The following EPHA7 variants were observed in gnomAD, a reference collection of about 807,000 sequenced individuals.
The protein encoded by EPHA7 is ephrin type-A receptor 7.
EPHA7 carries 25 observed loss-of-function variants against 112.6 expected under a neutral mutation model. That is an observed-to-expected ratio of 0.22 (90% CI 0.16 to 0.31). EPHA7 has a LOEUF of 0.31. Among genes scored for constraint, EPHA7 ranks in the 10% least tolerant of loss-of-function variants. EPHA7 has a pLI of 1.00. For synonymous variants in EPHA7, 437 were observed against 406.5 expected (o/e 1.07, Z -0.90); for missense variants, 962 against 1,212.6 (o/e 0.79, Z 3.07).
intron 5 of EPHA7, among the ~76,000 whole-genome samples, chr6:93,275,016 C>T (rs76655880): frequency 8.4e-4 from 127 of 151,950 alleles, no homozygotes; most frequent in Middle Eastern, 3.5e-3. Flanking sequence ...ACTAAATTAA[C>T]GTTATTGTAA....
At chr6:93,308,290 G>C (rs1773359763) in intron 5 of EPHA7, among the ~76,000 whole-genome samples, 1 of 152,018 alleles carries the variant, frequency 6.6e-6, no homozygotes, top group Non-Finnish European at 1.5e-5. Flanking sequence ...GAGTACACAG[G>C]CTTTTCAACA....
chr6:93,356,140 C>T (rs945991658), intron 5 of EPHA7, among the ~76,000 whole-genome samples: 1 of 152,038 alleles, frequency 6.6e-6, no homozygotes, highest in East Asian at 1.9e-4. Flanking sequence ...ATTTTCACTC[C>T]CCTCCTCTAG....
chr6:93,386,947 T>C (rs145481110), intron 3 of EPHA7, among the ~76,000 whole-genome samples: 238 of 152,182 alleles, frequency 1.6e-3, no homozygotes, highest in African/African-American at 5.5e-3. Flanking sequence ...CACAAAACTG[T>C]CCTTTCCTCC....
intron 5 of EPHA7, among the ~76,000 whole-genome samples, chr6:93,335,915 T>G (rs774667987): frequency 2.0e-5 from 3 of 152,100 alleles, no homozygotes; most frequent in Non-Finnish European, 4.4e-5. Context: ...AATGGCTGGA[T>G]AGAGATCTGA....
rs887490984 is a variant in EPHA7, at chr6:93,241,404, C to A, written c.*2022G>T. On this transcript the variant is annotated 3_prime_UTR_variant, in exon 17 of 17. Transcript: ENST00000369303. ...ACACACTGCAGACACTGAAAAATAA[C>A]CCTCAAGCACATTGTGTTATAGTTC... The A allele has an allele frequency of 1.4e-5, 3 of 212,156 alleles. No individual in the cohort carries two copies. The highest frequency in any genetic ancestry group is 2.9e-5 in the Non-Finnish European group (3 of 104,398). The allele number at this position is 212,156 out of a possible 1,614,324, so 13.1% of individuals were successfully genotyped here.
chr6:93,389,432 G>A (rs1236432277), intron 3 of EPHA7, among the ~76,000 whole-genome samples: 4 of 151,930 alleles, frequency 2.6e-5, no homozygotes, highest in Admixed American at 2.6e-4. Flanking sequence ...GGTGGGTTCT[G>A]GACTGGCACC....
chr6:93,255,449 T>A (rs999567527), intron 13 of EPHA7, among the ~76,000 whole-genome samples: 2 of 152,118 alleles, frequency 1.3e-5, no homozygotes, highest in Non-Finnish European at 2.9e-5. Flanking sequence ...TTCTCACATA[T>A]TTTCTTTTTT....
intron 5 of EPHA7, among the ~76,000 whole-genome samples, chr6:93,319,732 T>C (rs547415813): frequency 3.3e-5 from 5 of 152,260 alleles, no homozygotes; most frequent in Non-Finnish European, 7.4e-5. Flanking sequence ...GCTACATAGC[T>C]GTGGAAGTGA....
At chr6:93,408,516 T>C (rs1318756658) in intron 3 of EPHA7, among the ~76,000 whole-genome samples, 1 of 152,060 alleles carries the variant, frequency 6.6e-6, no homozygotes, top group Admixed American at 6.6e-5. Context: ...TTAGAAATAC[T>C]GCCAGTGAGG....
rs944345799 is a variant in EPHA7, at chr6:93,375,591, A to C, written c.833-17180T>G. ...CTAGCAGAGAGACCTTGACTCAAAA[A>C]ACAAACAAAAAAAAAACTCCAAGAT... On this transcript the variant is annotated intron_variant, in intron 3 of 16. Transcript: ENST00000369303. Among the ~76,000 whole-genome samples, 3 of 152,024 alleles carry C rather than the reference A, an allele frequency of 2.0e-5. 1 individual carries two copies. The highest frequency in any genetic ancestry group is 7.2e-5 in the African/African-American group (3 of 41,434).
chr6:93,419,115 G>T (rs1042621707), intron 1 of EPHA7, 130 bp downstream of exon 1: 5 of 641,480 alleles, frequency 7.8e-6, no homozygotes, highest in Non-Finnish European at 1.2e-5. Flanking sequence ...CGGTGAGGGG[G>T]CGGGGAGCCG....
intron 5 of EPHA7, among the ~76,000 whole-genome samples, chr6:93,296,953 AC>A (rs1772705344): frequency 6.6e-6 from 1 of 151,978 alleles, no homozygotes; most frequent in African/African-American, 2.4e-5. Context: ...TGGTTTTGTC[AC>A]AAAACCAAAC....
intron 5 of EPHA7, among the ~76,000 whole-genome samples, chr6:93,344,105 A>G (rs1775272310): frequency 6.9e-6 from 1 of 144,092 alleles, no homozygotes; most frequent in Non-Finnish European, 1.6e-5. Flanking sequence ...AAGAAGAGAT[A>G]TATGTCTATC....
chr6:93,269,520 A>G lies in EPHA7; in HGVS notation c.1590T>C (p.Leu530=). The part of the protein sequence containing the change: ...AAGYGNYSPR[L]DVATLEEATG... ...TAGCTTCCTCTAGTGTAGCAACATC[A>G]AGTCTGGGACTGTAATTTCCATAAC... The change falls in exon 7 of 17, where the codon CTT becomes CTC. Residue 530 remains leucine (L), a synonymous_variant. Transcript: ENST00000369303. 6.2e-7 allele frequency: 1 copy of G among 1,611,312 alleles called. No individual in the cohort carries two copies. The highest frequency in any genetic ancestry group is 1.1e-5 in the South Asian group (1 of 91,022).
At chr6:93,355,073 C>T (rs564235471) in intron 5 of EPHA7, among the ~76,000 whole-genome samples, 10 of 152,010 alleles carry the variant, frequency 6.6e-5, no homozygotes, top group South Asian at 6.2e-4. Context: ...TATAAAACAA[C>T]GCAAGTGGAA....
At chr6:93,244,927 G>C (rs1374003975) in intron 16 of EPHA7, among the ~76,000 whole-genome samples, 2 of 152,104 alleles carry the variant, frequency 1.3e-5, no homozygotes, top group Non-Finnish European at 2.9e-5. Flanking sequence ...TAATACAGAA[G>C]TTAACTACAG....
chr6:93,246,113 G>A (rs1398364365), intron 15 of EPHA7, among the ~76,000 whole-genome samples: 5 of 151,472 alleles, frequency 3.3e-5, no homozygotes, highest in South Asian at 2.1e-4. Context: ...GTGCAGTGGC[G>A]TGATCTCAGC....
chr6:93,394,253 C>T (rs999436725), intron 3 of EPHA7, among the ~76,000 whole-genome samples: 1 of 151,634 alleles, frequency 6.6e-6, no homozygotes, highest in Admixed American at 6.6e-5. Flanking sequence ...GCAGATATTG[C>T]ATATCTTTTA....
At chr6:93,385,393 G>A (rs1206826636) in intron 3 of EPHA7, among the ~76,000 whole-genome samples, 1 of 151,896 alleles carries the variant, frequency 6.6e-6, no homozygotes, top group African/African-American at 2.4e-5. Flanking sequence ...AAAATCAAAC[G>A]CTTTCATACT....
Sources: allele counts gnomAD v4.1 joint callset (sites outside exome capture counted in the v4.1 genomes callset), GRCh38; gene constraint gnomAD v4.1.1; transcripts MANE v1.5; gene names NCBI Gene and HGNC (gene_info 2026-07-23, HGNC 2026-07-21).